NOC2L: variants seen among roughly 807,000 people sequenced by gnomAD.
NOC2L encodes the protein NOC2 like nucleolar associated transcriptional repressor.
NOC2L carries 101 observed loss-of-function variants against 94.2 expected under a neutral mutation model. That is an observed-to-expected ratio of 1.07 (90% confidence interval 0.91 to 1.26). NOC2L has a LOEUF of 1.26. Among genes scored for constraint, NOC2L ranks in the 50% most tolerant of loss-of-function variants. The pLI, the probability that NOC2L is intolerant of heterozygous loss-of-function variation, is 0.00. For synonymous variants in NOC2L, 531 were observed against 413.4 expected (o/e 1.28, Z -3.45); for missense variants, 1,076 against 980.1 (o/e 1.10, Z -1.31).
chr1:952,174 G>A lies in NOC2L; in HGVS notation c.1192-35C>T, dbSNP rs1642278122. On this transcript the variant is annotated intron_variant, in intron 10 of 18. Coordinates refer to ENST00000327044, the MANE Select transcript of NOC2L (RefSeq NM_015658.4). Reference sequence around the variant, plus strand: ...GAGAACCACGTCAGCTACTGGCCAGGCTGACAAGTCAGGCTGATGCACGTT... The same window carrying A: ...GAGAACCACGTCAGCTACTGGCCAGACTGACAAGTCAGGCTGATGCACGTT... The A allele has an allele frequency of 5.6e-6, 9 of 1,611,152 alleles. No homozygotes were observed. The East Asian group carries it at 1.3e-4, about 24-fold the overall frequency.
Position 957,039 on chromosome 1 carries a change from C to T in NOC2L, c.355-14G>A. On this transcript the variant is annotated splice_polypyrimidine_tract_variant and intron_variant, in intron 3 of 18. Coordinates refer to ENST00000327044, the MANE Select transcript of NOC2L (RefSeq NM_015658.4). The stretch of plus-strand genomic sequence containing the variant: ...CTCACTGGCTTCCTGCACAGAAAGG[C>T]TGAGCTGAAGGAGAGTGTAGAGACA... 6.2e-7 allele frequency: 1 copy of T among 1,614,086 alleles called. No homozygotes were observed. The highest frequency in any genetic ancestry group is 8.5e-7 in the Non-Finnish European group (1 of 1,180,026).
chr1:954,155 C>T (rs750652555), intron 6 of NOC2L, 73 bp from the exon 7 acceptor site: 421 of 1,448,804 alleles, frequency 2.9e-4, no homozygotes, highest in Admixed American at 3.7e-4. Context: ...CATGTTGGCG[C>T]GTGCCCTGGC....
intron 17 of NOC2L, 25 bp downstream of exon 17, chr1:945,493 C>T (rs760834176): frequency 5.0e-6 from 8 of 1,612,368 alleles, no homozygotes; most frequent in African/African-American, 2.7e-5. Flanking sequence ...CCACCCTTCC[C>T]CTGGGAGCAC....
chr1:959,224 C>T lies in NOC2L; in HGVS notation c.17G>A (p.Ser6Asn), dbSNP rs199568295. 5 of 1,607,108 alleles carry T rather than the reference C, an allele frequency of 3.1e-6. No individual in the cohort carries two copies. The highest frequency in any genetic ancestry group is 4.2e-6 in the Non-Finnish European group (5 of 1,177,618). Residue 6 changes from serine to asparagine, a missense_variant, in exon 1 of 19, where the codon AGC (serine) becomes AAC (asparagine). Physicochemically the swap from Ser to Asn is conservative, Grantham distance 46. Around this residue, in one of 3 missense-constraint regions of NOC2L, gnomAD observed 457 missense variants for 386.0 expected, o/e 1.18. Coordinates refer to ENST00000327044, the MANE Select transcript of NOC2L (RefSeq NM_015658.4). ...CGGACCCGCGGCTTACCTCTTGCGGCTCCCCGCAGCTGCCATGACACCAAC... is the reference window on the plus strand; with the variant it reads ...CGGACCCGCGGCTTACCTCTTGCGGTTCCCCGCAGCTGCCATGACACCAAC... The part of the protein sequence containing the change: MAAAG[S>N]RKRRLAELTV...
In NOC2L at chr1:948,333, C is replaced by A. The variant is rs1436315686; in HGVS notation, c.1558-101G>T. 6 of 1,133,014 alleles carry A rather than the reference C, an allele frequency of 5.3e-6. No homozygotes were observed. The Admixed American group carries it at 1.0e-4, about 19-fold the overall frequency. 70.2% of individuals were successfully genotyped at this position (1,133,014 alleles called of 1,614,324 possible). ...TGTCAGGGCAGCGCCATCTCCAGGG[C>A]ACGGACTGCAAGGAAGGGGCTCCTG... On this transcript the variant is annotated intron_variant, in intron 13 of 18. Coordinates refer to ENST00000327044, the MANE Select transcript of NOC2L (RefSeq NM_015658.4).
At chr1:948,331 G>A (rs975903691) in intron 13 of NOC2L, 99 bp from the exon 14 acceptor site, 15 of 1,138,076 alleles carry the variant, frequency 1.3e-5, no homozygotes, top group Non-Finnish European at 1.9e-5. Flanking sequence ...CCATCTCCAG[G>A]GCACGGACTG....
chr1:950,485 AC>A (rs1642226844), intron 12 of NOC2L, among the ~76,000 whole-genome samples: 1 of 152,062 alleles, frequency 6.6e-6, no homozygotes. Context: ...ACACACAGGT[AC>A]ACACTGGTAT....
chr1:957,125 A>ACGGCC lies in NOC2L; in HGVS notation c.323_327dup (p.Phe110GlyfsTer33). The stretch of plus-strand genomic sequence containing the variant: ...TCCAGCACATCTGGCAGGGAGTGGA[A>ACGGCC]CGGCCCCTCTTCCTCCTCAGAGCTG... On this transcript the variant is annotated frameshift_variant, in exon 3 of 19. Coordinates refer to ENST00000327044, the MANE Select transcript of NOC2L (RefSeq NM_015658.4). LOFTEE classifies it high-confidence loss of function. 6.2e-7 allele frequency: 1 copy of ACGGCC among 1,614,056 alleles called. No homozygotes were observed. Among genetic ancestry groups the ACGGCC allele is most frequent in the Non-Finnish European group, 8.5e-7 (1 of 1,180,034 alleles).
rs750654773 is a variant in NOC2L at position 945,095 on chromosome 1, T to A, written c.2105A>T (p.Asp702Val). Residue 702 changes from aspartate (D) to valine (V), a missense_variant, in exon 18 of 19, where the codon GAC becomes GTC. Transcript: ENST00000327044. ...GCTGTCCTCCTCGCCCTCCTCCTCGTCCTCTTCATCGTCTTCCACCCCATG... is the reference window on the plus strand; with the variant it reads ...GCTGTCCTCCTCGCCCTCCTCCTCGACCTCTTCATCGTCTTCCACCCCATG... ...TRHGVEDDEE[D>V]EEEGEEDSSN... The A allele has an allele frequency of 2.5e-6, 4 of 1,611,836 alleles. No individual in the cohort carries two copies. The East Asian group carries it at 8.9e-5, about 36-fold the overall frequency.
intron 8 of NOC2L, 51 bp from the exon 9 acceptor site, chr1:953,339 T>A: frequency 8.9e-7 from 1 of 1,124,082 alleles, no homozygotes; most frequent in Non-Finnish European, 1.3e-6. Context: ...TCAGCAGGGA[T>A]GCCCCAGGGC....
At chr1:953,052 T>A (rs1167813758) in intron 9 of NOC2L, 123 bp downstream of exon 9, 2 of 684,350 alleles carry the variant, frequency 2.9e-6, no homozygotes, top group African/African-American at 1.8e-5. Flanking sequence ...AGGGCCCAGG[T>A]CTGCTCAGAG....
chr1:949,081 T>C (rs927006254), intron 12 of NOC2L, among the ~76,000 whole-genome samples: 6 of 151,814 alleles, frequency 4.0e-5, no homozygotes, highest in African/African-American at 1.2e-4. Context: ...ACGGGACAGA[T>C]GGAGGTCACG....
intron 18 of NOC2L, 83 bp from the exon 19 acceptor site, chr1:944,883 A>G: frequency 7.6e-7 from 1 of 1,310,756 alleles, no homozygotes. Flanking sequence ...CTAATTAATC[A>G]CGGCACTAAT....
rs747793945 is a variant in NOC2L, at chr1:953,186, G to A, written c.991C>T (p.Pro331Ser). The A allele has an allele frequency of 2.5e-6, 4 of 1,611,626 alleles. No homozygotes were observed. Among genetic ancestry groups the A allele is most frequent in the African/African-American group, 1.3e-5 (1 of 74,886 alleles). ...CRHKKDTFLG[P>S]VLKQMYITYV... ...GGGCCCACCACTACCTTGAGGACGG[G>A]GCCAAGGAAAGTGTCCTTCTTGTGC... Residue 331 changes from proline (P) to serine (S), a missense_variant, in exon 9 of 19, where the codon CCC (proline) becomes TCC (serine). This residue lies in a region of NOC2L where 615 missense variants were observed against 577.4 expected (regional missense o/e 1.07). Transcript: ENST00000327044.
intron 11 of NOC2L, 135 bp from the exon 12 acceptor site, chr1:951,373 G>A (rs1219927462): frequency 4.4e-6 from 3 of 688,792 alleles, no homozygotes; most frequent in African/African-American, 1.8e-5. Context: ...CTGAACCCCA[G>A]GGACCTGCAC....
chr1:953,066 C>T, intron 9 of NOC2L, 109 bp downstream of exon 9: 1 of 724,238 alleles, frequency 1.4e-6, no homozygotes, highest in Non-Finnish European at 2.5e-6. Context: ...CTCAGAGCTG[C>T]AGTGAGGGTC....
rs946441990 is a variant in NOC2L at position 957,434 on chromosome 1, C to G, written c.180-161G>C. The G allele has an allele frequency of 4.8e-5, 31 of 652,582 alleles. No individual in the cohort carries two copies. In the South Asian group the frequency reaches 5.8e-4, roughly 12 times the overall value. 40.4% of individuals were successfully genotyped at this position (652,582 alleles called of 1,614,324 possible). A position where few individuals can be genotyped will look rare whatever the true frequency, so the allele number is the denominator to read the frequency against. ...CAGACTCACGTCTCCTACCCAACAACCTCTACAACATACCCTCAAACACAC... is the reference window on the plus strand; with the variant it reads ...CAGACTCACGTCTCCTACCCAACAAGCTCTACAACATACCCTCAAACACAC... On this transcript the variant is annotated intron_variant, in intron 2 of 18. Coordinates refer to ENST00000327044, the MANE Select transcript of NOC2L (RefSeq NM_015658.4).
intron 16 of NOC2L, 46 bp downstream of exon 16, chr1:946,127 C>G: frequency 1.4e-6 from 2 of 1,386,344 alleles, no homozygotes; most frequent in Non-Finnish European, 1.0e-6. Flanking sequence ...AGATCTGAAA[C>G]CCAGGAAGTC....
At chr1:949,587 C>A (rs771343167) in intron 12 of NOC2L, among the ~76,000 whole-genome samples, 3 of 152,188 alleles carry the variant, frequency 2.0e-5, no homozygotes, top group Admixed American at 6.5e-5. Flanking sequence ...CAGGGTGCGG[C>A]TGCAGTGAAC....
Sources: allele counts gnomAD v4.1 joint callset (sites outside exome capture counted in the v4.1 genomes callset), GRCh38; gene constraint gnomAD v4.1.1; regional missense constraint gnomAD v4.1.1; transcripts MANE v1.5; gene names NCBI Gene and HGNC (gene_info 2026-07-23, HGNC 2026-07-21).